Variants in PTK2 observed in about 807,000 individuals in gnomAD.
The protein encoded by PTK2 is protein tyrosine kinase 2.
A neutral mutation model predicts 150.1 loss-of-function variants in PTK2; 45 were observed. The ratio of observed to expected loss-of-function variants is 0.30; its 90% CI spans 0.24 to 0.38. The LOEUF is 0.38. PTK2 is among the 10% of genes least tolerant of loss of function. The pLI, the probability that PTK2 is intolerant of heterozygous loss-of-function variation, is 1.00. For missense variants in PTK2, 919 were observed against 1,307.3 expected, an observed-to-expected ratio of 0.70 and a Z score of 4.58; for synonymous variants, 432 against 449.2, an observed-to-expected ratio of 0.96 and a Z score of 0.48.
At chr8:140,766,794 T>A (rs753107125) in intron 14 of PTK2, among the ~76,000 whole-genome samples, 1 of 152,220 alleles carries the variant, frequency 6.6e-6, no homozygotes, top group African/African-American at 2.4e-5. Context: ...CAAGCCCATT[T>A]GGGGAAAACT....
rs142211951 is a variant in PTK2, at chr8:140,834,900, A to C, written c.594-4374T>G. 1.4e-4 allele frequency among the ~76,000 whole-genome samples: 21 copies of C among 152,324 alleles called. No homozygotes were observed. In the East Asian group the frequency reaches 3.9e-3, roughly 28 times the overall value. ...CAGAATCCCATTTAACACTCCACTGATTCCTGTTGCCATTTAGCATTTTTG... is the reference window on the plus strand; with the variant it reads ...CAGAATCCCATTTAACACTCCACTGCTTCCTGTTGCCATTTAGCATTTTTG... On this transcript the variant is annotated intron_variant, in intron 7 of 31. Coordinates refer to ENST00000522684, the Ensembl canonical transcript of PTK2.
chr8:140,910,923 G>C lies in PTK2; in HGVS notation c.-33+14738C>G, dbSNP rs535467369. On this transcript the variant is annotated intron_variant, in intron 2 of 31. Transcript: ENST00000522684. ...CACAGGGTCTTGCTCTGTCGCCCAG[G>C]CTGGAGTGCAGTGGGGTAATCACGG... 6.6e-5 allele frequency among the ~76,000 whole-genome samples: 10 copies of C among 152,254 alleles called. No homozygotes were observed. In the South Asian group the frequency reaches 2.1e-3, roughly 32 times the overall value.
At chr8:140,902,924 GTTTTTTTTTTTTTTTTT>G (rs61261890) in intron 2 of PTK2, among the ~76,000 whole-genome samples, 80 of 58,956 alleles carry the variant, frequency 1.4e-3, no homozygotes, top group African/African-American at 3.7e-3. Flanking sequence ...GATGAGAGTT[GTTTTTTTTTTTTTTTTT>G]TTTTTTTTTT....
rs766342761 is a variant in PTK2, at chr8:140,674,333, T to G, written c.2674A>C (p.Ser892Arg). The G allele has an allele frequency of 8.1e-6, 13 of 1,608,118 alleles. No individual in the cohort carries two copies. The South Asian group carries it at 1.3e-4, about 17-fold the overall frequency. Residue 892 changes from serine to arginine, a missense_variant, in exon 29 of 32, where the codon AGC becomes CGC. Transcript: ENST00000522684. ...TCGTTGTAGCTGTCAGCAGGGCTGCTGAGGCTGGCAAGGCTTCCCAGATGA... is the reference window on the plus strand; with the variant it reads ...TCGTTGTAGCTGTCAGCAGGGCTGCGGAGGCTGGCAAGGCTTCCCAGATGA...
Position 140,819,490 on chromosome 8 carries a change from A to G in PTK2, c.649-470T>C, listed in dbSNP as rs111569578. 3.1e-3 allele frequency among the ~76,000 whole-genome samples: 465 copies of G among 152,394 alleles called. 3 individuals are homozygous for G. The highest frequency in any genetic ancestry group is 0.011 in the African/African-American group (442 of 41,600). Reference sequence around the variant, plus strand: ...TTTAGAAATGATTAGAGATACATGCAAAGATTCAGGAACAAAAAGATTCAC... The same window carrying G: ...TTTAGAAATGATTAGAGATACATGCGAAGATTCAGGAACAAAAAGATTCAC... On this transcript the variant is annotated intron_variant, in intron 8 of 31. Transcript: ENST00000522684.
intron 1 of PTK2, among the ~76,000 whole-genome samples, chr8:140,931,435 C>T (rs1392084886): frequency 6.6e-6 from 1 of 151,872 alleles, no homozygotes; most frequent in Non-Finnish European, 1.5e-5. Context: ...CATGGTGGTG[C>T]CTGCCTGTAG....
chr8:140,663,909 C>T (rs1229791746), intron 31 of PTK2, among the ~76,000 whole-genome samples: 1 of 152,172 alleles, frequency 6.6e-6, no homozygotes, highest in Non-Finnish European at 1.5e-5. Context: ...TTGTCTCGGC[C>T]GCCCAAAGTG....
chr8:140,804,181 G>C (rs1232322514), intron 10 of PTK2, among the ~76,000 whole-genome samples: 1 of 151,980 alleles, frequency 6.6e-6, no homozygotes, highest in African/African-American at 2.4e-5. Flanking sequence ...AGCCATGCCA[G>C]GAGAGTCTAT....
chr8:140,871,665 T>C (rs758249832), intron 4 of PTK2, among the ~76,000 whole-genome samples: 1 of 152,184 alleles, frequency 6.6e-6, no homozygotes, highest in Non-Finnish European at 1.5e-5. Context: ...CCAACCGTGA[T>C]GGCATGCGCC....
At chr8:140,861,983 G>A (rs563499881) in intron 5 of PTK2, among the ~76,000 whole-genome samples, 2 of 152,236 alleles carry the variant, frequency 1.3e-5, no homozygotes, top group South Asian at 2.1e-4. Context: ...GAATTCTATA[G>A]ACTACCATAA....
chr8:140,708,222 C>T (rs917193430), intron 23 of PTK2, among the ~76,000 whole-genome samples: 8 of 152,128 alleles, frequency 5.3e-5, no homozygotes, highest in African/African-American at 1.7e-4. Context: ...TCTCTCTCTC[C>T]CACAGTGCTG....
intron 3 of PTK2, among the ~76,000 whole-genome samples, chr8:140,880,496 G>A (rs1190303768): frequency 1.3e-5 from 2 of 152,188 alleles, no homozygotes; most frequent in East Asian, 1.9e-4. Context: ...TCCTTTACAC[G>A]AGGGTATGCA....
intron 7 of PTK2, among the ~76,000 whole-genome samples, chr8:140,844,105 G>C (rs1418387241): frequency 6.6e-6 from 1 of 152,156 alleles, no homozygotes; most frequent in Non-Finnish European, 1.5e-5. Flanking sequence ...CTCGTGATTA[G>C]ACTGTGGTTA....
chr8:140,985,173 G>C (rs1316501580), intron 1 of PTK2, among the ~76,000 whole-genome samples: 2 of 151,960 alleles, frequency 1.3e-5, no homozygotes, highest in Non-Finnish European at 2.9e-5. Flanking sequence ...ACTCAGGCTA[G>C]AGTGCAGTGG....
At chr8:140,670,491 ACACACACACACACACACAC>A (rs1318194394) in intron 29 of PTK2, among the ~76,000 whole-genome samples, 7 of 24,878 alleles carry the variant, frequency 2.8e-4, no homozygotes, top group African/African-American at 2.7e-4. Context: ...AAACAACAAC[ACACACACACACACACACAC>A]ACACACACAC....
At chr8:140,870,955 T>C (rs191063034) in intron 4 of PTK2, among the ~76,000 whole-genome samples, 1 of 152,204 alleles carries the variant, frequency 6.6e-6, no homozygotes, top group East Asian at 1.9e-4. Context: ...CATTTTTGCC[T>C]GTTACAACTG....
chr8:140,660,128 C>T (rs776406341), intron 31 of PTK2, among the ~76,000 whole-genome samples: 9 of 152,168 alleles, frequency 5.9e-5, no homozygotes, highest in Non-Finnish European at 1.0e-4. Context: ...CATTCAAAGC[C>T]TTCCCTGACA....
intron 1 of PTK2, among the ~76,000 whole-genome samples, chr8:140,955,917 C>A (rs985791746): frequency 6.6e-6 from 1 of 152,170 alleles, no homozygotes; most frequent in Admixed American, 6.5e-5. Context: ...ACCATGCCTT[C>A]GTGGGACTCC....
chr8:140,770,597 A>G (rs1268401065), intron 14 of PTK2, 119 bp downstream of exon 15: 1 of 315,320 alleles, frequency 3.2e-6, no homozygotes, highest in Non-Finnish European at 4.9e-6. Context: ...AACAGCACAT[A>G]CACTAATATT....
Sources: gnomAD v4.1 joint callset for allele counts (sites outside exome capture counted in the v4.1 genomes callset) on GRCh38, gnomAD v4.1.1 for gene constraint, MANE v1.5 for transcripts, NCBI Gene and HGNC (gene_info 2026-07-23, HGNC 2026-07-21) for gene names.